Variants in FBXL7 observed in about 807,000 individuals in gnomAD.
FBXL7 encodes the protein F-box and leucine rich repeat protein 7.
In FBXL7, 12 loss-of-function variants were observed where a neutral mutation model predicts 38.3. The observed-to-expected ratio is 0.31, with a 90% CI of 0.20 to 0.51. The LOEUF (loss-of-function observed/expected upper bound fraction) is 0.51. FBXL7 is among the 20% of genes least tolerant of loss of function. The pLI is 0.98. For missense variants in FBXL7, 567 were observed against 676.4 expected, an observed-to-expected ratio of 0.84 and a Z score of 1.79; for synonymous variants, 297 against 300.9, an observed-to-expected ratio of 0.99 and a Z score of 0.13.
At position 15,792,298 on chromosome 5, in the gene FBXL7, C is replaced by G. The variant is rs1003838759; in HGVS notation, c.128-135592C>G. Among the ~76,000 whole-genome samples the G allele has an allele frequency of 4.6e-5, 7 of 152,104 alleles. 1 individual carries two copies. Among genetic ancestry groups the G allele is most frequent in the Admixed American group, 1.3e-4 (2 of 15,264 alleles). On this transcript the variant is annotated intron_variant, in intron 2 of 3. Coordinates refer to ENST00000504595, the MANE Select transcript of FBXL7 (RefSeq NM_012304.5). ...ACGAGGGTATTTTCACATTACTTGT[C>G]CTTTCTGTTTGATTCACCATGGATT...
chr5:15,726,452 T>C (rs1441117194), intron 2 of FBXL7, among the ~76,000 whole-genome samples: 1 of 151,908 alleles, frequency 6.6e-6, no homozygotes, highest in Non-Finnish European at 1.5e-5. Flanking sequence ...ATAAACACTT[T>C]GGGAGGCTGC....
At chr5:15,540,794 T>TGA (rs1337759295) in intron 1 of FBXL7, among the ~76,000 whole-genome samples, 1 of 152,096 alleles carries the variant, frequency 6.6e-6, no homozygotes, top group African/African-American at 2.4e-5. Context: ...GGAAATAGGA[T>TGA]GAGAGAGAGC....
chr5:15,838,149 G>A (rs1237183033), intron 2 of FBXL7, among the ~76,000 whole-genome samples: 6 of 152,030 alleles, frequency 3.9e-5, no homozygotes, highest in Non-Finnish European at 1.5e-5. Context: ...GAGGCTCCAG[G>A]TTGTCCCAGG....
intron 2 of FBXL7, among the ~76,000 whole-genome samples, chr5:15,646,783 G>A (rs181802279): frequency 1.3e-5 from 2 of 152,340 alleles, no homozygotes; most frequent in East Asian, 3.9e-4. Flanking sequence ...ATGAGTCTCG[G>A]AGATTTAGAA....
intron 1 of FBXL7, among the ~76,000 whole-genome samples, chr5:15,592,859 G>A (rs1022526881): frequency 3.3e-5 from 5 of 152,086 alleles, no homozygotes; most frequent in Non-Finnish European, 5.9e-5. Context: ...TTTTAGCCTC[G>A]AGCTAAAATT....
chr5:15,882,166 G>A (rs1740482127), intron 2 of FBXL7, among the ~76,000 whole-genome samples: 1 of 152,128 alleles, frequency 6.6e-6, no homozygotes, highest in Non-Finnish European at 1.5e-5. Context: ...CCTCCAACCA[G>A]GCCCCACCTC....
intron 2 of FBXL7, among the ~76,000 whole-genome samples, chr5:15,693,797 C>T (rs1032131812): frequency 1.1e-4 from 16 of 152,144 alleles, no homozygotes; most frequent in African/African-American, 2.2e-4. Context: ...AGAGCCTGGC[C>T]GCTGAGCAGC....
intron 2 of FBXL7, among the ~76,000 whole-genome samples, chr5:15,733,983 T>C (rs187782661): frequency 1.5e-4 from 23 of 152,258 alleles, no homozygotes; most frequent in African/African-American, 5.3e-4. Context: ...GGCATGTGCC[T>C]GTAATCGCAG....
At chr5:15,889,294 C>T (rs991653430) in intron 2 of FBXL7, among the ~76,000 whole-genome samples, 6 of 152,296 alleles carry the variant, frequency 3.9e-5, no homozygotes, top group South Asian at 2.1e-4. Context: ...TCTTCTGATA[C>T]ACCCCCAAAC....
chr5:15,501,933 T>G (rs1736500534), intron 1 of FBXL7, among the ~76,000 whole-genome samples: 1 of 149,990 alleles, frequency 6.7e-6, no homozygotes, highest in Admixed American at 6.6e-5. Context: ...TGATTTGAGT[T>G]TTTTTTTTTT....
intron 1 of FBXL7, among the ~76,000 whole-genome samples, chr5:15,566,710 T>C (rs1738584042): frequency 6.6e-6 from 1 of 152,170 alleles, no homozygotes; most frequent in Non-Finnish European, 1.5e-5. Context: ...GAAAAGCAAA[T>C]GATTACTTTT....
chr5:15,890,244 G>A (rs1016655961), intron 2 of FBXL7, among the ~76,000 whole-genome samples: 1 of 151,890 alleles, frequency 6.6e-6, no homozygotes, highest in African/African-American at 2.4e-5. Flanking sequence ...AGGGGCATTT[G>A]ATTCTTTTTG....
chr5:15,531,289 C>T (rs1737423328), intron 1 of FBXL7, among the ~76,000 whole-genome samples: 1 of 151,976 alleles, frequency 6.6e-6, no homozygotes, highest in Non-Finnish European at 1.5e-5. Context: ...TACAAATACA[C>T]AAAAAAGAGC....
chr5:15,873,875 C>G (rs1740083022), intron 2 of FBXL7, among the ~76,000 whole-genome samples: 1 of 152,108 alleles, frequency 6.6e-6, no homozygotes, highest in Non-Finnish European at 1.5e-5. Context: ...GAAACTATTC[C>G]AAACGATAGA....
intron 1 of FBXL7, among the ~76,000 whole-genome samples, chr5:15,559,696 C>CA (rs1040156514): frequency 3.3e-5 from 5 of 151,978 alleles, no homozygotes; most frequent in South Asian, 2.1e-4. Flanking sequence ...GTAAAACAAA[C>CA]AAAAAAGAAG....
chr5:15,648,363 G>T (rs930365883), intron 2 of FBXL7, among the ~76,000 whole-genome samples: 10 of 152,340 alleles, frequency 6.6e-5, no homozygotes, highest in Non-Finnish European at 1.2e-4. Context: ...GTGAAAGGGT[G>T]TGTATGAAAA....
At chr5:15,825,271 C>T (rs1738281393) in intron 2 of FBXL7, among the ~76,000 whole-genome samples, 1 of 152,032 alleles carries the variant, frequency 6.6e-6, no homozygotes, top group Non-Finnish European at 1.5e-5. Context: ...TGTAGTCACT[C>T]TTATTCCTAT....
In FBXL7 at chr5:15,663,058, T is replaced by C. The variant is rs566602207; in HGVS notation, c.127+46986T>C. 4.6e-5 allele frequency among the ~76,000 whole-genome samples: 7 copies of C among 152,308 alleles called. No individual in the cohort carries two copies. In the South Asian group the frequency reaches 1.4e-3, roughly 32 times the overall value. Reference sequence around the variant, plus strand: ...GAAGAATGTTTTTGGTAGTTTGATATGAATAGCATTGAATCTGTAAATTGG... The same window carrying C: ...GAAGAATGTTTTTGGTAGTTTGATACGAATAGCATTGAATCTGTAAATTGG... On this transcript the variant is annotated intron_variant, in intron 2 of 3. Coordinates refer to ENST00000504595, the MANE Select transcript of FBXL7 (RefSeq NM_012304.5).
intron 2 of FBXL7, among the ~76,000 whole-genome samples, chr5:15,923,986 A>T (rs1392352939): frequency 2.6e-5 from 4 of 152,148 alleles, no homozygotes; most frequent in Non-Finnish European, 5.9e-5. Flanking sequence ...AGCTGCTAAA[A>T]TGTCAGAGCT....
Sources: gnomAD v4.1 joint callset for allele counts (sites outside exome capture counted in the v4.1 genomes callset) on GRCh38, gnomAD v4.1.1 for gene constraint, MANE v1.5 for transcripts, NCBI Gene and HGNC (gene_info 2026-07-23, HGNC 2026-07-21) for gene names.